The following ZFPM2 variants were observed in gnomAD, a reference collection of about 807,000 sequenced individuals.
The protein encoded by ZFPM2 is zinc finger protein ZFPM2.
In ZFPM2, 20 loss-of-function variants were observed where a neutral mutation model predicts 98.6. That is an observed-to-expected ratio of 0.20 (90% CI 0.14 to 0.29). The LOEUF is 0.29. ZFPM2 is among the 10% of genes least tolerant of loss of function. The probability of loss-of-function intolerance (pLI) is 1.00; values close to 1 mark genes in which losing one functional copy is unlikely to be tolerated. For missense variants in ZFPM2, 1,310 were observed against 1,388.6 expected (o/e 0.94, Z 0.90); for synonymous variants, 518 against 502.7 (o/e 1.03, Z -0.41).
chr8:105,600,647 T>A (rs1358690052), intron 4 of ZFPM2, among the ~76,000 whole-genome samples: 1 of 152,136 alleles, frequency 6.6e-6, no homozygotes, highest in Non-Finnish European at 1.5e-5. Flanking sequence ...GCTCATTTTT[T>A]ATTTTTTTAA....
intron 2 of ZFPM2, among the ~76,000 whole-genome samples, chr8:105,425,778 C>A (rs1306608056): frequency 2.0e-5 from 3 of 152,124 alleles, no homozygotes; most frequent in African/African-American, 4.8e-5. Flanking sequence ...CCCTCCCTGC[C>A]CCTGGTCCCT....
At chr8:105,480,466 T>C (rs1217760024) in intron 3 of ZFPM2, among the ~76,000 whole-genome samples, 1 of 152,330 alleles carries the variant, frequency 6.6e-6, no homozygotes, top group East Asian at 1.9e-4. Context: ...GTGCATGTGC[T>C]ACCGCAGAGA....
At chr8:105,351,346 C>T (rs1812639285) in intron 1 of ZFPM2, among the ~76,000 whole-genome samples, 1 of 130,870 alleles carries the variant, frequency 7.6e-6, no homozygotes, top group South Asian at 2.6e-4. Flanking sequence ...TTTATAGTTG[C>T]ATTATTTCGT....
At chr8:105,769,215 A>C (rs1812929065) in intron 5 of ZFPM2, among the ~76,000 whole-genome samples, 1 of 151,960 alleles carries the variant, frequency 6.6e-6, no homozygotes, top group African/African-American at 2.4e-5. Context: ...TTTATGAAAC[A>C]CCCATTATCT....
chr8:105,543,699 T>A (rs1814629629), intron 3 of ZFPM2, among the ~76,000 whole-genome samples: 1 of 152,218 alleles, frequency 6.6e-6, no homozygotes, highest in Non-Finnish European at 1.5e-5. Flanking sequence ...CTATATATTT[T>A]TGCAAATACT....
At chr8:105,521,661 T>C (rs1814064853) in intron 3 of ZFPM2, among the ~76,000 whole-genome samples, 1 of 152,056 alleles carries the variant, frequency 6.6e-6, no homozygotes, top group Non-Finnish European at 1.5e-5. Context: ...CACTGCAACC[T>C]CTGCCTCCTG....
chr8:105,489,971 A>G (rs1472530860), intron 3 of ZFPM2, among the ~76,000 whole-genome samples: 1 of 152,052 alleles, frequency 6.6e-6, no homozygotes, highest in Non-Finnish European at 1.5e-5. Flanking sequence ...ATGTCCTGCC[A>G]GGTGCGGTGG....
intron 1 of ZFPM2, among the ~76,000 whole-genome samples, chr8:105,331,980 A>T (rs1376459859): frequency 6.6e-6 from 1 of 151,740 alleles, no homozygotes; most frequent in African/African-American, 2.4e-5. Context: ...TCTGTTCCTT[A>T]TGTCTGACCT....
At chr8:105,783,210 GTTTT>G (rs753557703) in intron 5 of ZFPM2, among the ~76,000 whole-genome samples, 75 of 88,948 alleles carry the variant, frequency 8.4e-4, no homozygotes, top group Non-Finnish European at 1.2e-3. Context: ...TTTCTTTATG[GTTTT>G]TTTTTTTTTT....
intron 5 of ZFPM2, among the ~76,000 whole-genome samples, chr8:105,714,589 A>G (rs1811474838): frequency 6.6e-6 from 1 of 152,032 alleles, no homozygotes; most frequent in Admixed American, 6.6e-5. Flanking sequence ...TAATCATTTT[A>G]GTACACTTTA....
chr8:105,574,161 A>T (rs1451540915), intron 4 of ZFPM2, among the ~76,000 whole-genome samples: 1 of 152,202 alleles, frequency 6.6e-6, no homozygotes, highest in African/African-American at 2.4e-5. Context: ...TGTCATACGA[A>T]TATAGCTTCA....
In ZFPM2 at chr8:105,477,533, G is replaced by A. The variant is rs181484716; in HGVS notation, c.301+33152G>A. On this transcript the variant is annotated intron_variant, in intron 3 of 7. Coordinates refer to ENST00000407775, the MANE Select transcript of ZFPM2 (RefSeq NM_012082.4). ...GCTGGGATTACAGGTGTGAGCCACCGCGCCCCACATGATATCAATCATATG... is the reference window on the plus strand; with the variant it reads ...GCTGGGATTACAGGTGTGAGCCACCACGCCCCACATGATATCAATCATATG... 8.6e-5 allele frequency among the ~76,000 whole-genome samples: 13 copies of A among 151,896 alleles called. No homozygotes were observed. The East Asian group carries it at 1.2e-3, about 14-fold the overall frequency.
chr8:105,337,005 A>C (rs1267544355), intron 1 of ZFPM2, among the ~76,000 whole-genome samples: 2 of 151,810 alleles, frequency 1.3e-5, no homozygotes, highest in African/African-American at 4.8e-5. Context: ...TTCCTTTAGA[A>C]AGATCCTGAC....
chr8:105,751,164 C>A (rs907817541), intron 5 of ZFPM2, among the ~76,000 whole-genome samples: 3 of 152,066 alleles, frequency 2.0e-5, no homozygotes, highest in African/African-American at 4.8e-5. Context: ...TGTACTAATG[C>A]TCAAAAATAC....
chr8:105,523,134 A>C (rs190917732), intron 3 of ZFPM2, among the ~76,000 whole-genome samples: 1 of 152,228 alleles, frequency 6.6e-6, no homozygotes, highest in African/African-American at 2.4e-5. Context: ...TTTTTTTGAG[A>C]TGATAAAATG....
chr8:105,357,881 A>G (rs1028578544), intron 1 of ZFPM2, among the ~76,000 whole-genome samples: 2 of 152,166 alleles, frequency 1.3e-5, no homozygotes, highest in African/African-American at 4.8e-5. Flanking sequence ...TTACATATTT[A>G]TAATTACCCT....
At chr8:105,372,489 T>TA (rs1417401431) in intron 1 of ZFPM2, among the ~76,000 whole-genome samples, 2 of 152,046 alleles carry the variant, frequency 1.3e-5, no homozygotes, top group East Asian at 1.9e-4. Flanking sequence ...TTGTAGAAAA[T>TA]AAAAATGTTT....
intron 3 of ZFPM2, among the ~76,000 whole-genome samples, chr8:105,464,012 T>C (rs1812750681): frequency 6.6e-6 from 1 of 152,098 alleles, no homozygotes. Context: ...CTGTTCCCTT[T>C]GTTTCTTCTG....
At position 105,757,976 on chromosome 8, in the gene ZFPM2, A is replaced by G. The variant is rs138223197; in HGVS notation, c.533-30742A>G. Among the ~76,000 whole-genome samples the G allele has an allele frequency of 5.5e-3, 844 of 152,234 alleles. 6 individuals are homozygous for G. The highest frequency in any genetic ancestry group is 0.019 in the African/African-American group (769 of 41,556). On this transcript the variant is annotated intron_variant, in intron 5 of 7. Coordinates refer to ENST00000407775, the MANE Select transcript of ZFPM2 (RefSeq NM_012082.4). Reference sequence around the variant, plus strand: ...CATGAAACTCCAAAGATGAATGCCTACAATCAGGAATCACCTCATGGAAGG... The same window carrying G: ...CATGAAACTCCAAAGATGAATGCCTGCAATCAGGAATCACCTCATGGAAGG...
Sources: gnomAD v4.1 joint callset for allele counts (sites outside exome capture counted in the v4.1 genomes callset) on GRCh38, gnomAD v4.1.1 for gene constraint, MANE v1.5 for transcripts, NCBI Gene and HGNC (gene_info 2026-07-23, HGNC 2026-07-21) for gene names.